Variants in MCU observed in about 807,000 individuals in gnomAD.
MCU encodes calcium uniporter protein, mitochondrial.
MCU carries 12 observed loss-of-function variants against 45.2 expected under a neutral mutation model. The observed-to-expected ratio is 0.27, with a 90% confidence interval of 0.17 to 0.43. The LOEUF (loss-of-function observed/expected upper bound fraction) is 0.43, where lower values mean the gene tolerates loss of function less well. Ranked by LOEUF, MCU falls within the 20% of genes least tolerant of loss-of-function variation. The pLI is 1.00. For missense variants in MCU, 324 were observed against 436.7 expected (o/e 0.74, Z 2.30); for synonymous variants, 160 against 165.1 (o/e 0.97, Z 0.24).
chr10:72,741,153 G>A (rs1373199109), intron 1 of MCU, among the ~76,000 whole-genome samples: 3 of 146,960 alleles, frequency 2.0e-5, no homozygotes, highest in African/African-American at 7.6e-5. Flanking sequence ...AGCCTGGAGT[G>A]CAGTGGCACG....
At chr10:72,834,196 G>A (rs1036409778) in intron 1 of MCU, among the ~76,000 whole-genome samples, 163 bp from the exon 2 acceptor site, 2 of 152,116 alleles carry the variant, frequency 1.3e-5, no homozygotes, top group African/African-American at 4.8e-5. Context: ...AGGATGATAG[G>A]AGTTTGAAAG....
At chr10:72,804,763 T>C (rs145574515) in intron 1 of MCU, among the ~76,000 whole-genome samples, 1 of 152,342 alleles carries the variant, frequency 6.6e-6, no homozygotes, top group African/African-American at 2.4e-5. Flanking sequence ...ATTGTAATTG[T>C]ATCCACGTCT....
At chr10:72,857,854 C>T (rs1306752548) in intron 2 of MCU, among the ~76,000 whole-genome samples, 1 of 151,894 alleles carries the variant, frequency 6.6e-6, no homozygotes, top group Non-Finnish European at 1.5e-5. Context: ...GTAGAAGATC[C>T]CTTCAATTTA....
intron 5 of MCU, among the ~76,000 whole-genome samples, chr10:72,869,339 CT>C (rs1394320856): frequency 1.3e-5 from 2 of 152,372 alleles, no homozygotes; most frequent in East Asian, 1.9e-4. Flanking sequence ...AATCCCAACA[CT>C]TTGGGAGGCC....
At chr10:72,822,691 A>G (rs1394312816) in intron 1 of MCU, among the ~76,000 whole-genome samples, 1 of 152,210 alleles carries the variant, frequency 6.6e-6, no homozygotes, top group Non-Finnish European at 1.5e-5. Context: ...AAAGACAGAT[A>G]GGACTGGGTG....
At position 72,717,419 on chromosome 10, in the gene MCU, C is replaced by T. The variant is rs185172857; in HGVS notation, c.150+25118C>T. 2.1e-3 allele frequency among the ~76,000 whole-genome samples: 320 copies of T among 152,158 alleles called. 2 individuals are homozygous for T. The highest frequency in any genetic ancestry group is 7.1e-3 in the African/African-American group (296 of 41,518). On this transcript the variant is annotated intron_variant, in intron 1 of 7. Coordinates refer to ENST00000373053, the MANE Select transcript of MCU (RefSeq NM_138357.3). ...GGTTATAGGCGCCCGCCACCACGCC[C>T]GCTTAATTTTTGTACTTTTAGTAGA...
At chr10:72,806,349 G>A (rs1416997054) in intron 1 of MCU, among the ~76,000 whole-genome samples, 4 of 151,942 alleles carry the variant, frequency 2.6e-5, no homozygotes, top group Middle Eastern at 3.2e-3. Flanking sequence ...TAGTAGAGAC[G>A]GGGTTTCTCC....
At chr10:72,883,215 T>C (rs929677727) in intron 6 of MCU, among the ~76,000 whole-genome samples, 1 of 152,006 alleles carries the variant, frequency 6.6e-6, no homozygotes, top group African/African-American at 2.4e-5. Context: ...TGCCTAGAAC[T>C]GGGGGTTTGG....
chr10:72,860,577 G>A (rs1356614479), intron 4 of MCU, 50 bp downstream of exon 4: 4 of 1,427,232 alleles, frequency 2.8e-6, no homozygotes, highest in Non-Finnish European at 3.9e-6. Flanking sequence ...AGGGCTTTTG[G>A]AAATAACTTT....
intron 1 of MCU, among the ~76,000 whole-genome samples, chr10:72,788,358 C>T (rs190045749): frequency 5.3e-5 from 8 of 152,302 alleles, no homozygotes; most frequent in African/African-American, 1.2e-4. Context: ...TGATGAGTGG[C>T]TCATGCCTGT....
At chr10:72,740,561 A>G (rs1236004251) in intron 1 of MCU, among the ~76,000 whole-genome samples, 2 of 152,236 alleles carry the variant, frequency 1.3e-5, no homozygotes, top group African/African-American at 2.4e-5. Flanking sequence ...GTCTTGAACA[A>G]TGAAGCTTCA....
intron 1 of MCU, among the ~76,000 whole-genome samples, chr10:72,705,488 C>T (rs1000917129): frequency 3.6e-4 from 55 of 151,240 alleles, no homozygotes; most frequent in Admixed American, 1.1e-3. Flanking sequence ...TCGAGACCAG[C>T]CTGGAAAACA....
At chr10:72,836,078 A>G (rs2132837172) in intron 2 of MCU, among the ~76,000 whole-genome samples, 1 of 152,050 alleles carries the variant, frequency 6.6e-6, no homozygotes, top group South Asian at 2.1e-4. Flanking sequence ...GTTCTGACTT[A>G]CTCCATTACC....
chr10:72,747,540 C>T (rs1340823519), intron 1 of MCU, among the ~76,000 whole-genome samples: 1 of 152,080 alleles, frequency 6.6e-6, no homozygotes, highest in Non-Finnish European at 1.5e-5. Flanking sequence ...CACATAAAAA[C>T]ATAGAAATAG....
At chr10:72,863,069 C>T (rs1054166005) in intron 4 of MCU, among the ~76,000 whole-genome samples, 7 of 151,966 alleles carry the variant, frequency 4.6e-5, no homozygotes, top group African/African-American at 1.7e-4. Flanking sequence ...CTGTGTATTC[C>T]TTCATGGTTT....
intron 1 of MCU, among the ~76,000 whole-genome samples, chr10:72,724,120 A>G (rs1843065046): frequency 6.6e-6 from 1 of 152,198 alleles, no homozygotes; most frequent in Non-Finnish European, 1.5e-5. Flanking sequence ...TTACACATGT[A>G]TGTTGTTTCC....
chr10:72,837,716 T>A (rs1844974817), intron 2 of MCU, among the ~76,000 whole-genome samples: 2 of 152,184 alleles, frequency 1.3e-5, no homozygotes, highest in South Asian at 4.1e-4. Flanking sequence ...TTATACTTAC[T>A]TGAAGTCTTT....
intron 1 of MCU, among the ~76,000 whole-genome samples, chr10:72,767,924 G>A (rs989569290): frequency 5.9e-5 from 9 of 152,114 alleles, no homozygotes; most frequent in African/African-American, 1.9e-4. Context: ...TCTTCATCTT[G>A]TTAGGCTCTT....
At chr10:72,752,834 G>T (rs1317843987) in intron 1 of MCU, among the ~76,000 whole-genome samples, 1 of 152,194 alleles carries the variant, frequency 6.6e-6, no homozygotes, top group East Asian at 1.9e-4. Flanking sequence ...TTACAGTAAA[G>T]GTGGAAGGAG....
Sources: gnomAD v4.1 joint callset for allele counts (sites outside exome capture counted in the v4.1 genomes callset) on GRCh38, gnomAD v4.1.1 for gene constraint, MANE v1.5 for transcripts, NCBI Gene and HGNC (gene_info 2026-07-23, HGNC 2026-07-21) for gene names.